Variants in AKAP12 observed in about 807,000 individuals in gnomAD.
AKAP12 encodes A-kinase anchoring protein 12.
AKAP12 carries 32 observed loss-of-function variants against 79.9 expected under a neutral mutation model. That is an observed-to-expected ratio of 0.40 (90% CI 0.30 to 0.54). The LOEUF (loss-of-function observed/expected upper bound fraction) is 0.54, where lower values mean the gene tolerates loss of function less well. AKAP12 is among the 20% of genes least tolerant of loss of function. AKAP12 has a pLI of 0.48. For synonymous variants in AKAP12, 808 were observed against 857.0 expected (o/e 0.94, Z 1.00); for missense variants, 2,074 against 2,177.0 (o/e 0.95, Z 0.94).
In AKAP12 at chr6:151,252,729, T is replaced by TG. The variant is rs200666580; in HGVS notation, c.162+12008dup. Reference sequence around the variant, plus strand: ...GACAAGATACCAAGACCCCTGTCTCTGGGAAAAAAAAAAAAAAAAAAAAAA... The same window carrying TG: ...GACAAGATACCAAGACCCCTGTCTCTGGGGAAAAAAAAAAAAAAAAAAAAAA... On this transcript the variant is annotated intron_variant, in intron 2 of 4. Transcript: ENST00000402676. Among the ~76,000 whole-genome samples the TG allele has an allele frequency of 2.9e-3, 341 of 116,468 alleles. 8 individuals carry two copies. Among genetic ancestry groups the TG allele is most frequent in the Middle Eastern group, 0.018 (4 of 228 alleles). The allele number at this position is 116,468 out of a possible 152,430, so 76.4% of individuals were successfully genotyped here.
At chr6:151,274,730 T>C (rs140617508) in intron 2 of AKAP12, among the ~76,000 whole-genome samples, 126 of 152,328 alleles carry the variant, frequency 8.3e-4, no homozygotes, top group African/African-American at 3.0e-3. Flanking sequence ...CACAATTTTA[T>C]AGGCAGTTTC....
rs961823717 is a variant in AKAP12 at position 151,344,393 on chromosome 6, A to T, written c.320-4318A>T. On this transcript the variant is annotated intron_variant, in intron 3 of 4. Transcript: ENST00000402676. ...CCTATTCATCTATGAATATCCAAAAAATCTAGCAATATTTGAAAAGAAAAA... is the reference window on the plus strand; with the variant it reads ...CCTATTCATCTATGAATATCCAAAATATCTAGCAATATTTGAAAAGAAAAA... Among the ~76,000 whole-genome samples, 17 of 152,256 alleles carry T rather than the reference A, an allele frequency of 1.1e-4. 1 individual carries two copies. The East Asian group carries it at 3.3e-3, about 29-fold the overall frequency.
chr6:151,304,163 A>AT (rs1245585350), intron 2 of AKAP12, among the ~76,000 whole-genome samples: 2 of 152,084 alleles, frequency 1.3e-5, no homozygotes, highest in East Asian at 3.9e-4. Context: ...TTGGCTTAAA[A>AT]TTTTTTTACC....
intron 2 of AKAP12, among the ~76,000 whole-genome samples, chr6:151,277,022 CA>C (rs1776302676): frequency 6.6e-6 from 1 of 152,092 alleles, no homozygotes. Context: ...ATTTAGTTAA[CA>C]AGAAAACAAA....
At chr6:151,310,864 G>T (rs906237424) in intron 3 of AKAP12, among the ~76,000 whole-genome samples, 3 of 152,132 alleles carry the variant, frequency 2.0e-5, no homozygotes, top group African/African-American at 7.2e-5. Context: ...TGCAGAGTAC[G>T]TACAGCAAAC....
intron 2 of AKAP12, among the ~76,000 whole-genome samples, chr6:151,299,945 T>C (rs1226808043): frequency 6.6e-6 from 1 of 152,172 alleles, no homozygotes; most frequent in Non-Finnish European, 1.5e-5. Context: ...TAAGTTATTA[T>C]GTGTTGCACC....
intron 2 of AKAP12, among the ~76,000 whole-genome samples, chr6:151,286,182 G>A (rs1480377638): frequency 6.6e-6 from 1 of 152,170 alleles, no homozygotes; most frequent in Non-Finnish European, 1.5e-5. Flanking sequence ...TTTTTTAAAA[G>A]ATTAAGGCAA....
chr6:151,329,412 G>C (rs1387968645), intron 3 of AKAP12, among the ~76,000 whole-genome samples: 3 of 152,174 alleles, frequency 2.0e-5, no homozygotes, highest in Admixed American at 1.3e-4. Context: ...CCAAAAAAAT[G>C]CTTTTTGAAT....
At chr6:151,320,318 C>A (rs1777345374) in intron 3 of AKAP12, among the ~76,000 whole-genome samples, 1 of 151,984 alleles carries the variant, frequency 6.6e-6, no homozygotes, top group Non-Finnish European at 1.5e-5. Context: ...TGGGATCTTG[C>A]TGTGTTGCCC....
intron 2 of AKAP12, among the ~76,000 whole-genome samples, chr6:151,304,519 A>AAAAAAAAAAAAAAAAAAAG: frequency 7.1e-6 from 1 of 140,548 alleles, no homozygotes; most frequent in African/African-American, 2.7e-5. Context: ...AAAAAAAAAA[A>AAAAAAAAAAAAAAAAAAAG]GGATTATATG....
At chr6:151,244,481 G>A (rs1562703715) in intron 2 of AKAP12, among the ~76,000 whole-genome samples, 2 of 152,178 alleles carry the variant, frequency 1.3e-5, no homozygotes, top group Non-Finnish European at 2.9e-5. Context: ...CCGAGTTGGC[G>A]CCACTGCACT....
chr6:151,322,653 G>A (rs536685355), intron 3 of AKAP12, among the ~76,000 whole-genome samples: 1 of 146,104 alleles, frequency 6.8e-6, no homozygotes, highest in East Asian at 1.9e-4. Context: ...CAGCTCCAAG[G>A]CTACCTCAGA....
rs780939900 is a variant in AKAP12 at position 151,351,643 on chromosome 6, G to A, written c.3252G>A (p.Ser1084=). 6.8e-6 allele frequency: 11 copies of A among 1,614,112 alleles called. No homozygotes were observed. In the East Asian group the frequency reaches 8.9e-5, roughly 13 times the overall value. The part of the protein sequence containing the change: ...AERPEEQAEA[S]GLKKETDVVL... ...GACCAGAAGAGCAGGCTGAAGCGTCGGGTCTGAAGAAAGAGACGGATGTAG... is the reference window on the plus strand; with the variant it reads ...GACCAGAAGAGCAGGCTGAAGCGTCAGGTCTGAAGAAAGAGACGGATGTAG... Residue 1084 remains serine (S), a synonymous_variant, in exon 4 of 5, where the codon TCG becomes TCA. Transcript: ENST00000402676. The surrounding 1 kb of genome is among the most constrained non-coding windows in gnomAD (Gnocchi z 4.4).
chr6:151,329,835 C>T lies in AKAP12; in HGVS notation c.320-18876C>T, dbSNP rs371959270. 3.9e-5 allele frequency among the ~76,000 whole-genome samples: 6 copies of T among 152,222 alleles called. No homozygotes were observed. The East Asian group carries it at 7.7e-4, about 20-fold the overall frequency. The stretch of plus-strand genomic sequence containing the variant: ...ATCCTGCAAAAAGTGGTTCTGTAAC[C>T]CCATTTCTATCATAAAAGTAAGTTT... On this transcript the variant is annotated intron_variant, in intron 3 of 4. Transcript: ENST00000402676.
chr6:151,348,680 T>TGGGGGGGGGCCC, intron 3 of AKAP12, 31 bp from the exon 4 acceptor site: 1 of 355,202 alleles, frequency 2.8e-6, no homozygotes, highest in Non-Finnish European at 5.5e-6. Flanking sequence ...TTTTCTCTTC[T>TGGGGGGGGGCCC]CCCCACCCCC....
chr6:151,300,721 C>CTT (rs201751693), intron 2 of AKAP12, among the ~76,000 whole-genome samples: 4 of 141,638 alleles, frequency 2.8e-5, no homozygotes, highest in African/African-American at 1.0e-4. Context: ...TTTTTAGGGT[C>CTT]TTTTTTTTTT....
At chr6:151,243,951 T>G (rs908951671) in intron 2 of AKAP12, among the ~76,000 whole-genome samples, 9 of 152,318 alleles carry the variant, frequency 5.9e-5, no homozygotes, top group African/African-American at 2.2e-4. Context: ...CTCTGGCTAA[T>G]CTTGATTTCT....
At chr6:151,305,708 G>T (rs996389604) in intron 2 of AKAP12, 39 bp from the exon 3 acceptor site, 1 of 1,574,778 alleles carries the variant, frequency 6.4e-7, no homozygotes, top group Non-Finnish European at 8.6e-7. Context: ...TGGTCATGAG[G>T]ACTGAAATTA....
In AKAP12 at chr6:151,349,331, A is replaced by G. The variant is rs1466816500; in HGVS notation, c.940A>G (p.Arg314Gly). The part of the protein sequence containing the change: ...WAGWRKKTSF[R>G]KPKEDEVEAS... ...CGGCTGGCGCAAAAAGACCAGTTTC[A>G]GGAAGCCGAAGGAGGATGAAGTGGA... is the stretch of plus-strand genomic sequence containing the variant. The change falls in exon 4 of 5, where the codon AGG becomes GGG. Residue 314 changes from arginine (R) to glycine (G), a missense_variant. Physicochemically the swap from Arg to Gly is moderately radical, Grantham distance 125 (BLOSUM62 -2). Transcript: ENST00000402676. 2 of 1,614,026 alleles carry G rather than the reference A, an allele frequency of 1.2e-6. No individual in the cohort carries two copies. Among genetic ancestry groups the G allele is most frequent in the Non-Finnish European group, 1.7e-6 (2 of 1,179,984 alleles).
Sources: allele counts gnomAD v4.1 joint callset (sites outside exome capture counted in the v4.1 genomes callset), GRCh38; gene constraint gnomAD v4.1.1; non-coding constraint Gnocchi (gnomAD v3.1); transcripts MANE v1.5; gene names NCBI Gene and HGNC (gene_info 2026-07-23, HGNC 2026-07-21).